TPST1: variants seen among roughly 807,000 people sequenced by gnomAD.
The protein encoded by TPST1 is protein-tyrosine sulfotransferase 1.
In TPST1, 20 loss-of-function variants were observed where a neutral mutation model predicts 34.8. That is an observed-to-expected ratio of 0.57 (90% CI 0.40 to 0.84). TPST1 has a LOEUF of 0.84. Among genes scored for constraint, TPST1 ranks in the 40% least tolerant of loss-of-function variants. TPST1 has a pLI of 0.00. For missense variants in TPST1, 353 were observed against 455.5 expected, an observed-to-expected ratio of 0.78 and a Z score of 2.05; for synonymous variants, 152 against 159.4, an observed-to-expected ratio of 0.95 and a Z score of 0.35.
chr7:66,342,941 C>G (rs1349599638), intron 3 of TPST1, among the ~76,000 whole-genome samples: 1 of 152,126 alleles, frequency 6.6e-6, no homozygotes, highest in African/African-American at 2.4e-5. Context: ...CAAAGTGTAT[C>G]AGAAGGGAAA....
chr7:66,328,882 CTCTCTA>C (rs1465471162), intron 3 of TPST1, among the ~76,000 whole-genome samples: 174 of 29,890 alleles, frequency 5.8e-3, no homozygotes, highest in Middle Eastern at 0.016. Flanking sequence ...CTCTCTCTCT[CTCTCTA>C]TATATATATA....
At chr7:66,204,435 C>T (rs944833330), upstream of TPST1, among the ~76,000 whole-genome samples, 15 of 152,166 alleles carry the variant, frequency 9.9e-5, no homozygotes, top group Non-Finnish European at 4.4e-5. Context: ...AGGCTGGTCT[C>T]GAACTCCTGA....
upstream of TPST1, among the ~76,000 whole-genome samples, chr7:66,200,735 T>A (rs971211126): frequency 2.6e-5 from 4 of 152,074 alleles, no homozygotes; most frequent in African/African-American, 9.6e-5. Flanking sequence ...TATCTTTTTT[T>A]AATTTTTTTG....
intron 3 of TPST1, among the ~76,000 whole-genome samples, chr7:66,319,173 A>T (rs1791698449): frequency 6.6e-6 from 1 of 151,772 alleles, no homozygotes; most frequent in Admixed American, 6.6e-5. Context: ...CGTTCTCTCC[A>T]TTTTGTCCTT....
intron 1 of TPST1, among the ~76,000 whole-genome samples, chr7:66,212,751 C>G (rs1392912987): frequency 6.6e-6 from 1 of 152,158 alleles, no homozygotes; most frequent in Non-Finnish European, 1.5e-5. Context: ...CTGCGCCCGA[C>G]CTCAGTGCAT....
intron 3 of TPST1, among the ~76,000 whole-genome samples, chr7:66,343,699 T>C (rs1792285359): frequency 6.6e-6 from 1 of 152,222 alleles, no homozygotes. Flanking sequence ...CAGTATATCA[T>C]GTCTGCTTTC....
chr7:66,344,850 A>G (rs1015124245), intron 3 of TPST1, among the ~76,000 whole-genome samples: 3 of 149,928 alleles, frequency 2.0e-5, no homozygotes, highest in African/African-American at 7.4e-5. Flanking sequence ...CAGCCTCCCT[A>G]GTAGCTGGGA....
At chr7:66,314,811 A>T (rs937495) in intron 3 of TPST1, among the ~76,000 whole-genome samples, 1 of 151,998 alleles carries the variant, frequency 6.6e-6, no homozygotes, top group Non-Finnish European at 1.5e-5. Context: ...ATATAAACAT[A>T]TCTAAACATA....
chr7:66,235,695 C>T (rs559585099), intron 1 of TPST1, among the ~76,000 whole-genome samples: 90 of 152,280 alleles, frequency 5.9e-4, no homozygotes, highest in African/African-American at 2.1e-3. Context: ...GCCTGTGAAG[C>T]AGCCTCAGGA....
intron 1 of TPST1, among the ~76,000 whole-genome samples, chr7:66,209,573 T>C (rs1789202084): frequency 2.6e-5 from 4 of 152,258 alleles, no homozygotes; most frequent in African/African-American, 9.6e-5. Flanking sequence ...AATGGCTTTA[T>C]GTTTCTCTTT....
intron 3 of TPST1, among the ~76,000 whole-genome samples, chr7:66,326,269 T>C (rs916214592): frequency 2.6e-5 from 4 of 152,178 alleles, no homozygotes; most frequent in African/African-American, 7.2e-5. Flanking sequence ...GTGAAGAAGA[T>C]AGATTTACAA....
intron 3 of TPST1, among the ~76,000 whole-genome samples, chr7:66,336,262 AT>A (rs1792118232): frequency 6.6e-6 from 1 of 151,808 alleles, no homozygotes; most frequent in Non-Finnish European, 1.5e-5. Context: ...GTGAGCTGAG[AT>A]TGTGCCACTG....
chr7:66,237,771 T>G (rs1029877776), intron 1 of TPST1, among the ~76,000 whole-genome samples: 10 of 152,214 alleles, frequency 6.6e-5, no homozygotes, highest in African/African-American at 2.4e-4. Context: ...AGGAATTCAC[T>G]TATGCGATTG....
intron 1 of TPST1, among the ~76,000 whole-genome samples, chr7:66,206,476 G>A (rs1195427452): frequency 6.6e-6 from 1 of 152,162 alleles, no homozygotes; most frequent in Non-Finnish European, 1.5e-5. Context: ...AGAATGGTAT[G>A]GGAGATGGCA....
At chr7:66,355,934 G>T (rs553369779) in intron 4 of TPST1, among the ~76,000 whole-genome samples, 108 of 149,188 alleles carry the variant, frequency 7.2e-4, no homozygotes, top group African/African-American at 2.6e-3. Flanking sequence ...AAGGCTGAGC[G>T]TGGTGGCATA....
chr7:66,249,212 C>CT (rs766100178), intron 2 of TPST1, among the ~76,000 whole-genome samples: 116 of 143,554 alleles, frequency 8.1e-4, no homozygotes, highest in East Asian at 2.2e-3. Flanking sequence ...TAAAAAAATT[C>CT]TTTTTTTTTT....
intron 3 of TPST1, among the ~76,000 whole-genome samples, chr7:66,348,504 T>C (rs937563525): frequency 1.3e-5 from 2 of 152,242 alleles, no homozygotes; most frequent in Admixed American, 1.3e-4. Context: ...AATTTCCAAT[T>C]TGCCCTTCAA....
chr7:66,234,424 C>CAG (rs1255177419), intron 1 of TPST1, among the ~76,000 whole-genome samples: 4 of 151,156 alleles, frequency 2.6e-5, no homozygotes, highest in Non-Finnish European at 5.9e-5. Flanking sequence ...CACACACACA[C>CAG]ACACACAGAC....
chr7:66,246,886 T>C (rs1790161046), intron 2 of TPST1, among the ~76,000 whole-genome samples: 4 of 152,216 alleles, frequency 2.6e-5, no homozygotes, highest in Non-Finnish European at 1.5e-5. Context: ...TAGTACTTCT[T>C]GCTTTTCACT....
Sources: gnomAD v4.1 joint callset for allele counts (sites outside exome capture counted in the v4.1 genomes callset) on GRCh38, gnomAD v4.1.1 for gene constraint, MANE v1.5 for transcripts, NCBI Gene and HGNC (gene_info 2026-07-23, HGNC 2026-07-21) for gene names.